The following MYO18A variants were observed in gnomAD, a reference collection of about 807,000 sequenced individuals.
The protein encoded by MYO18A is unconventional myosin-XVIIIa.
In MYO18A, 78 loss-of-function variants were observed where a neutral mutation model predicts 235.8. That is an observed-to-expected ratio of 0.33 (90% CI 0.28 to 0.40). The LOEUF (loss-of-function observed/expected upper bound fraction) is 0.40, where lower values mean the gene tolerates loss of function less well. Among genes scored for constraint, MYO18A ranks in the 10% least tolerant of loss-of-function variants. The pLI is 1.00. For synonymous variants in MYO18A, 977 were observed against 1,077.8 expected (o/e 0.91, Z 1.83); for missense variants, 2,215 against 2,699.3 (o/e 0.82, Z 3.98).
chr17:29,133,659 T>G, intron 2 of MYO18A: 1 of 533,720 alleles, frequency 1.9e-6, no homozygotes, highest in Non-Finnish European at 3.1e-6. Context: ...TCATTCTCCC[T>G]GCCACCCCCA....
intron 2 of MYO18A, among the ~76,000 whole-genome samples, chr17:29,154,268 C>T (rs1009421737): frequency 1.3e-5 from 2 of 152,030 alleles, no homozygotes; most frequent in African/African-American, 4.8e-5. Flanking sequence ...CTGGGAGAGG[C>T]GTGTAGACAG....
rs867533418 is a variant in MYO18A at position 29,167,163 on chromosome 17, C to T, written c.-81-142G>A. On this transcript the variant is annotated intron_variant, in intron 1 of 41. Transcript: ENST00000527372. ...CACTCTGCCTTACCCAATATTGTCTCCACTGATTTAATCCTTACAACCCTT... is the reference window on the plus strand; with the variant it reads ...CACTCTGCCTTACCCAATATTGTCTTCACTGATTTAATCCTTACAACCCTT... 119 of 547,078 alleles carry T rather than the reference C, an allele frequency of 2.2e-4. 3 individuals are homozygous for T. Among genetic ancestry groups the T allele is most frequent in the South Asian group, 2.0e-3 (59 of 29,046 alleles). The allele number at this position is 547,078 out of a possible 1,614,324, so 33.9% of individuals were successfully genotyped here. A position where few individuals can be genotyped will look rare whatever the true frequency, so the allele number is the denominator to read the frequency against.
intron 2 of MYO18A, among the ~76,000 whole-genome samples, chr17:29,124,145 G>C (rs1024241756): frequency 6.6e-6 from 1 of 152,128 alleles, no homozygotes; most frequent in Non-Finnish European, 1.5e-5. Flanking sequence ...ACCTTCTATG[G>C]GCCAGGTATT....
At position 29,074,834 on chromosome 17, in the gene MYO18A, C is replaced by G. The variant is rs200380774; in HGVS notation, c.6101G>C (p.Arg2034Pro). 1.2e-6 allele frequency: 2 copies of G among 1,613,906 alleles called. No homozygotes were observed. The highest frequency in any genetic ancestry group is 1.7e-6 in the Non-Finnish European group (2 of 1,179,876). Residue 2034 changes from arginine to proline, a missense_variant, in exon 42 of 42, where the codon CGA (arginine) becomes CCA (proline). Physicochemically the swap from Arg to Pro is moderately radical, Grantham distance 103. Coordinates refer to ENST00000527372, the MANE Select transcript of MYO18A (RefSeq NM_078471.4). This position sits in a 1 kb window ranked among gnomAD's most constrained non-coding sequence, Gnocchi z 4.4. ...GTCACTCAGATAACTGTGGGAGTAT[C>G]GCGGTCTGGAGGTGTTGTCGAGAGG... ...HDPLDNTSRP[R>P]YSHSYLSDSD...
rs556437750 is a variant in MYO18A at position 29,074,580 on chromosome 17, C to T, written c.*190G>A. The T allele has an allele frequency of 5.2e-5, 33 of 632,650 alleles. No homozygotes were observed. Among genetic ancestry groups the T allele is most frequent in the African/African-American group, 5.1e-4 (28 of 54,506 alleles). 39.2% of individuals were successfully genotyped at this position (632,650 alleles called of 1,614,324 possible). A position where few individuals can be genotyped will look rare whatever the true frequency, so the allele number is the denominator to read the frequency against. ...AGTTCTCTTCAGAAACTCCTCTTTCCCCCACCTCTTCCACGTGGAGACATC... is the reference window on the plus strand; with the variant it reads ...AGTTCTCTTCAGAAACTCCTCTTTCTCCCACCTCTTCCACGTGGAGACATC... On this transcript the variant is annotated 3_prime_UTR_variant, in exon 42 of 42. Transcript: ENST00000527372. The surrounding 1 kb of genome is among the most constrained non-coding windows in gnomAD (Gnocchi z 4.4).
rs527494835 is a variant in MYO18A, at chr17:29,107,006, G to A, written c.3441+74C>T. On this transcript the variant is annotated intron_variant, in intron 20 of 41. Transcript: ENST00000527372. ...ATGAGCTGTCTCCAGGGAAGGGAAG[G>A]CAGATGAGTCTGGAAAGGGCAGCTG... 72 of 1,391,828 alleles carry A rather than the reference G, an allele frequency of 5.2e-5. No homozygotes were observed. In the South Asian group the frequency reaches 8.0e-4, roughly 16 times the overall value. 86.2% of individuals were successfully genotyped at this position (1,391,828 alleles called of 1,614,324 possible).
chr17:29,132,434 G>C (rs2067494713), intron 2 of MYO18A, among the ~76,000 whole-genome samples: 1 of 152,144 alleles, frequency 6.6e-6, no homozygotes, highest in Non-Finnish European at 1.5e-5. Context: ...GCGTCACCTA[G>C]GACTACAGGA....
Position 29,115,800 on chromosome 17 carries a change from C to A in MYO18A, c.2091G>T (p.Lys697Asn). The A allele has an allele frequency of 1.9e-6, 3 of 1,590,722 alleles. No individual in the cohort carries two copies. The highest frequency in any genetic ancestry group is 2.6e-6 in the Non-Finnish European group (3 of 1,168,474). The change falls in exon 12 of 42, where the codon AAG becomes AAT. Residue 697 changes from lysine (K) to asparagine (N), a missense_variant. By Grantham distance (94) the Lys-to-Asn change is moderately conservative. Coordinates refer to ENST00000527372, the MANE Select transcript of MYO18A (RefSeq NM_078471.4). ...GGCTGCAGCCCAGTAGGTACGCAGC[C>A]TTCTGGGCCCACTCATGGCGGGCAA... ...KQFARHEWAQ[K>N]AAYLLGCSLE...
At chr17:29,151,149 A>C (rs1480612507) in intron 2 of MYO18A, among the ~76,000 whole-genome samples, 1 of 152,058 alleles carries the variant, frequency 6.6e-6, no homozygotes, top group East Asian at 1.9e-4. Flanking sequence ...AGGTGGGAGG[A>C]TCACTCAAGC....
intron 26 of MYO18A, 25 bp downstream of exon 26, chr17:29,097,763 C>A: frequency 6.3e-7 from 1 of 1,594,252 alleles, no homozygotes; most frequent in Non-Finnish European, 8.6e-7. Flanking sequence ...GGGCCACTGC[C>A]GAGCTCCTTG....
intron 2 of MYO18A, chr17:29,128,958 A>G (rs1449796166): frequency 2.0e-6 from 2 of 1,000,618 alleles, no homozygotes; most frequent in African/African-American, 3.3e-5. Flanking sequence ...GAGATGGAGC[A>G]TGGACACAGC....
intron 34 of MYO18A, 31 bp from the exon 35 acceptor site, chr17:29,090,957 C>T (rs746189393): frequency 6.3e-7 from 1 of 1,586,958 alleles, no homozygotes; most frequent in Non-Finnish European, 8.6e-7. Context: ...ATCAGAGGGC[C>T]TCAGGCCCAG....
At chr17:29,134,680 G>A (rs991854371) in intron 2 of MYO18A, among the ~76,000 whole-genome samples, 11 of 151,910 alleles carry the variant, frequency 7.2e-5, no homozygotes, top group Non-Finnish European at 1.6e-4. Context: ...CCGCTACCAC[G>A]CCCGGCTAAT....
At chr17:29,105,749 C>T (rs1040786602) in intron 20 of MYO18A, among the ~76,000 whole-genome samples, 7 of 152,124 alleles carry the variant, frequency 4.6e-5, no homozygotes, top group African/African-American at 1.4e-4. Context: ...CCTGGAGTCA[C>T]GGCCAGATAA....
Position 29,120,562 on chromosome 17 carries a change from A to G in MYO18A, c.1728+54T>C, listed in dbSNP as rs2067172770. On this transcript the variant is annotated intron_variant, in intron 7 of 41. Coordinates refer to ENST00000527372, the MANE Select transcript of MYO18A (RefSeq NM_078471.4). This position sits in a 1 kb window ranked among gnomAD's most constrained non-coding sequence, Gnocchi z 4.2. ...TGGGAGAGAGCCTGATGTCTAGGTCATGAAATCATGTGGCCTGTGTCCTAC... is the reference window on the plus strand; with the variant it reads ...TGGGAGAGAGCCTGATGTCTAGGTCGTGAAATCATGTGGCCTGTGTCCTAC... 1 of 1,574,532 alleles carries G rather than the reference A, an allele frequency of 6.4e-7. No homozygotes were observed. Among genetic ancestry groups the G allele is most frequent in the African/African-American group, 1.4e-5 (1 of 73,902 alleles).
At chr17:29,115,228 T>C in intron 13 of MYO18A, 123 bp downstream of exon 13, 3 of 1,427,350 alleles carry the variant, frequency 2.1e-6, no homozygotes, top group Non-Finnish European at 2.9e-6. Flanking sequence ...GCCTTGCTCA[T>C]AGCCCATGGG....
Position 29,095,019 on chromosome 17 carries a change from G to T in MYO18A, c.4426C>A (p.Arg1476=). The change falls in exon 29 of 42, where the codon CGG becomes AGG. Residue 1476 remains arginine (R), a synonymous_variant. Transcript: ENST00000527372. ...AGCTTCTCCCGCTGCAGCTTCTCCCGCTGGGCCTCCTCATGCGCCTGCGAG... is the reference window on the plus strand; with the variant it reads ...AGCTTCTCCCGCTGCAGCTTCTCCCTCTGGGCCTCCTCATGCGCCTGCGAG... ...ELSQAHEEAQ[R]EKLQREKLQR... The T allele has an allele frequency of 1.3e-6, 2 of 1,576,860 alleles. No individual in the cohort carries two copies. Among genetic ancestry groups the T allele is most frequent in the South Asian group, 1.1e-5 (1 of 87,250 alleles).
At chr17:29,101,550 G>T (rs1483787533) in intron 21 of MYO18A, among the ~76,000 whole-genome samples, 1 of 151,794 alleles carries the variant, frequency 6.6e-6, no homozygotes. Context: ...CAGGCAATCT[G>T]CCCACCTCAG....
intron 2 of MYO18A, among the ~76,000 whole-genome samples, chr17:29,147,642 C>G (rs1011383510): frequency 6.6e-6 from 1 of 152,048 alleles, no homozygotes; most frequent in South Asian, 2.1e-4. Flanking sequence ...TGGCTCATAC[C>G]TGTAATCCCA....
Sources: allele counts gnomAD v4.1 joint callset (sites outside exome capture counted in the v4.1 genomes callset), GRCh38; gene constraint gnomAD v4.1.1; non-coding constraint Gnocchi (gnomAD v3.1); transcripts MANE v1.5; gene names NCBI Gene and HGNC (gene_info 2026-07-23, HGNC 2026-07-21).